Variants in EXTL3 observed in about 807,000 individuals in gnomAD.
EXTL3 encodes the protein exostosin like glycosyltransferase 3.
EXTL3 carries 27 observed loss-of-function variants against 69.3 expected under a neutral mutation model. The observed-to-expected ratio is 0.39, with a 90% confidence interval of 0.29 to 0.54. EXTL3 has a LOEUF of 0.54. Ranked by LOEUF, EXTL3 falls within the 20% of genes least tolerant of loss-of-function variation. The pLI is 0.69. For missense variants in EXTL3, 1,003 were observed against 1,231.8 expected, an observed-to-expected ratio of 0.81 and a Z score of 2.78; for synonymous variants, 511 against 499.4, an observed-to-expected ratio of 1.02 and a Z score of -0.31.
upstream of EXTL3, chr8:28,698,444 C>G (rs1272670990): frequency 1.3e-5 from 2 of 152,338 alleles, no homozygotes; most frequent in East Asian, 3.9e-4. Context: ...TTCTTGAAGT[C>G]TCAGCTCCCT....
upstream of EXTL3, chr8:28,698,412 G>A (rs767800531): frequency 6.6e-6 from 1 of 152,210 alleles, no homozygotes; most frequent in African/African-American, 2.4e-5. Flanking sequence ...CATGCTCTGT[G>A]GTGTTGGACA....
At chr8:28,679,110 T>C (rs1807436796) in intron 1 of EXTL3, among the ~76,000 whole-genome samples, 1 of 152,168 alleles carries the variant, frequency 6.6e-6, no homozygotes, top group African/African-American at 2.4e-5. Flanking sequence ...TGTTCTATGC[T>C]CCAAACCAAA....
At chr8:28,730,324 G>A (rs575026922) in intron 3 of EXTL3, 1 of 152,240 alleles carries the variant, frequency 6.6e-6, no homozygotes, top group South Asian at 2.1e-4. Flanking sequence ...TGTTTTTGGG[G>A]TTTGAGAACA....
chr8:28,629,989 A>G (rs1418279465), intron 1 of EXTL3, among the ~76,000 whole-genome samples: 1 of 152,212 alleles, frequency 6.6e-6, no homozygotes, highest in African/African-American at 2.4e-5. Context: ...GCCTCTAAGG[A>G]TAAAGCCAGG....
At chr8:28,725,239 A>G (rs2130759033) in intron 3 of EXTL3, among the ~76,000 whole-genome samples, 1 of 152,284 alleles carries the variant, frequency 6.6e-6, no homozygotes, top group South Asian at 2.1e-4. Context: ...GGCAGGTTCC[A>G]GGCCACGATT....
At chr8:28,736,283 G>C (rs1319083326) in intron 4 of EXTL3, among the ~76,000 whole-genome samples, 1 of 152,110 alleles carries the variant, frequency 6.6e-6, no homozygotes, top group Non-Finnish European at 1.5e-5. Flanking sequence ...GACTTATTAG[G>C]AGAGGAACTC....
At chr8:28,616,081 A>G (rs539291683) in intron 2 of EXTL3, among the ~76,000 whole-genome samples, 2 of 152,276 alleles carry the variant, frequency 1.3e-5, no homozygotes, top group South Asian at 4.1e-4. Flanking sequence ...TTTTAAAAAA[A>G]GAAAAAAGAT....
intron 6 of EXTL3, among the ~76,000 whole-genome samples, chr8:28,744,409 G>A (rs764500573): frequency 2.6e-5 from 4 of 152,224 alleles, no homozygotes; most frequent in Non-Finnish European, 5.9e-5. Flanking sequence ...TGTAATCCCA[G>A]CACTTTTGGA....
chr8:28,662,959 A>G lies in EXTL3; in HGVS notation c.-53+40149A>G, dbSNP rs144061252. Among the ~76,000 whole-genome samples, 5 of 152,316 alleles carry G rather than the reference A, an allele frequency of 3.3e-5. No homozygotes were observed. The East Asian group carries it at 9.6e-4, about 29-fold the overall frequency. On this transcript the variant is annotated intron_variant, in intron 1 of 6. Transcript: ENST00000523149. ...AAGACAGAGTGAAACCCTGTCTCCA[A>G]AAAATTAAAAAGTAGATAGAAATGG... is the stretch of plus-strand genomic sequence containing the variant.
At position 28,653,577 on chromosome 8, in the gene EXTL3, G is replaced by A. The variant is rs200231032; in HGVS notation, c.-53+30767G>A. Reference sequence around the variant, plus strand: ...TAGGGTAAGGGTCTAACTTCATTTCGCATGTGGATATCCAGTTTTTTCAGC... The same window carrying A: ...TAGGGTAAGGGTCTAACTTCATTTCACATGTGGATATCCAGTTTTTTCAGC... On this transcript the variant is annotated intron_variant, in intron 1 of 6. Coordinates refer to the EXTL3 transcript ENST00000523149. Among the ~76,000 whole-genome samples the A allele has an allele frequency of 1.2e-4, 18 of 152,094 alleles. No homozygotes were observed. The East Asian group carries it at 1.9e-3, about 16-fold the overall frequency.
At chr8:28,725,492 A>C (rs568194006) in intron 3 of EXTL3, among the ~76,000 whole-genome samples, 1 of 152,328 alleles carries the variant, frequency 6.6e-6, no homozygotes, top group African/African-American at 2.4e-5. Flanking sequence ...TTGAATGTTT[A>C]CCTATAATTT....
intron 1 of EXTL3, among the ~76,000 whole-genome samples, chr8:28,660,399 T>C (rs979606371): frequency 2.0e-5 from 3 of 151,790 alleles, no homozygotes; most frequent in African/African-American, 7.3e-5. Flanking sequence ...GGTAGACATG[T>C]ACACAAGTGT....
At chr8:28,615,947 T>A (rs1806324711) in intron 2 of EXTL3, among the ~76,000 whole-genome samples, 1 of 152,012 alleles carries the variant, frequency 6.6e-6, no homozygotes, top group African/African-American at 2.4e-5. Flanking sequence ...ATTAAATCTA[T>A]CAGTAGGCCA....
chr8:28,607,970 C>T (rs1051717203), intron 2 of EXTL3, among the ~76,000 whole-genome samples: 3 of 151,774 alleles, frequency 2.0e-5, no homozygotes, highest in African/African-American at 4.9e-5. Flanking sequence ...ATTAGCCAGG[C>T]GTGGTGGTGG....
Position 28,726,528 on chromosome 8 carries a change from C to G in EXTL3, c.2149-4695C>G, listed in dbSNP as rs10112482. Among the ~76,000 whole-genome samples the G allele has an allele frequency of 2.9e-3, 439 of 152,254 alleles. 1 individual carries two copies. The highest frequency in any genetic ancestry group is 9.8e-3 in the African/African-American group (408 of 41,544). On this transcript the variant is annotated intron_variant, in intron 3 of 6. Transcript: ENST00000220562. ...AAGTGCTGTTTTGGTTTACTGTCTT[C>G]CTGCAGGTTGACTCTAAATCAGGGT...
chr8:28,631,474 A>G (rs1806569510), intron 1 of EXTL3: 2 of 152,232 alleles, frequency 1.3e-5, no homozygotes, highest in Non-Finnish European at 1.5e-5. Context: ...TCTCTGTGCT[A>G]CAGGGCAGAG....
intron 3 of EXTL3, 101 bp from the exon 4 acceptor site, chr8:28,731,122 T>G: frequency 6.8e-7 from 1 of 1,469,218 alleles, no homozygotes; most frequent in Non-Finnish European, 9.5e-7. Context: ...GCAAAATTAT[T>G]CAGTAAATCC....
chr8:28,756,258 G>A (rs73551125), downstream of EXTL3, among the ~76,000 whole-genome samples: 16,116 of 152,064 alleles, frequency 0.11, 910 homozygotes, highest in Middle Eastern at 0.17. Flanking sequence ...CAGTCCCCAC[G>A]TCCTCCATCC....
chr8:28,670,230 A>T (rs1247962427), intron 1 of EXTL3, among the ~76,000 whole-genome samples: 2 of 97,530 alleles, frequency 2.1e-5, no homozygotes, highest in Admixed American at 1.1e-4. Context: ...GGTTGGGGGG[A>T]GATGGGGGAC....
Sources: allele counts gnomAD v4.1 joint callset (sites outside exome capture counted in the v4.1 genomes callset), GRCh38; gene constraint gnomAD v4.1.1; transcripts MANE v1.5; gene names NCBI Gene and HGNC (gene_info 2026-07-23, HGNC 2026-07-21).